Variants in RELT observed in about 807,000 individuals in gnomAD.
The protein encoded by RELT is tumor necrosis factor receptor superfamily member 19L.
RELT carries 37 observed loss-of-function variants against 51.1 expected under a neutral mutation model. The observed-to-expected ratio is 0.72, with a 90% confidence interval of 0.56 to 0.95. The LOEUF is 0.95. RELT is among the 40% of genes least tolerant of loss of function. The probability of loss-of-function intolerance (pLI) is 0.00; values close to 1 mark genes in which losing one functional copy is unlikely to be tolerated. For synonymous variants in RELT, 241 were observed against 235.7 expected, an observed-to-expected ratio of 1.02 and a Z score of -0.21; for missense variants, 535 against 572.6, an observed-to-expected ratio of 0.93 and a Z score of 0.67.
rs897985133 is a variant in RELT at position 73,389,240 on chromosome 11, C to T, written c.45+59C>T. On this transcript the variant is annotated intron_variant, in intron 2 of 10. Coordinates refer to ENST00000064780, the MANE Select transcript of RELT (RefSeq NM_152222.2). ...GCCGCACCCTCAGCCCTGCAGCCCT[C>T]CAGCAAGAGGGTGCAGACACTCCCG... 2.0e-5 allele frequency: 25 copies of T among 1,245,132 alleles called. No individual in the cohort carries two copies. In the African/African-American group the frequency reaches 3.3e-4, roughly 16 times the overall value. The allele number at this position is 1,245,132 out of a possible 1,614,324, so 77.1% of individuals were successfully genotyped here.
chr11:73,391,460 TG>T (rs1866214091), intron 5 of RELT, among the ~76,000 whole-genome samples: 1 of 152,140 alleles, frequency 6.6e-6, no homozygotes, highest in Non-Finnish European at 1.5e-5. Context: ...CAGCCACAGC[TG>T]GGGGCTGGGG....
intron 2 of RELT, 54 bp from the exon 3 acceptor site, chr11:73,390,497 A>C: frequency 8.5e-6 from 13 of 1,521,666 alleles, no homozygotes; most frequent in Non-Finnish European, 1.2e-5. Flanking sequence ...AGATGACCCC[A>C]GAGACCCCAC....
At chr11:73,383,725 A>G (rs1302427964) in intron 1 of RELT, among the ~76,000 whole-genome samples, 3 of 152,208 alleles carry the variant, frequency 2.0e-5, no homozygotes, top group African/African-American at 7.2e-5. Context: ...CAGTTTGCCC[A>G]GCTGTGAAAC....
At position 73,395,703 on chromosome 11, in the gene RELT, C is replaced by T. The variant is rs997702550; in HGVS notation, c.*212C>T. On this transcript the variant is annotated 3_prime_UTR_variant, in exon 11 of 11. Transcript: ENST00000064780. ...CTGTGTACAGGAGCAGGCTGAGCCCCGCCCCTGGCCCTGCTGCCATGTTGC... is the reference window on the plus strand; with the variant it reads ...CTGTGTACAGGAGCAGGCTGAGCCCTGCCCCTGGCCCTGCTGCCATGTTGC... 3.6e-5 allele frequency: 21 copies of T among 586,278 alleles called. No homozygotes were observed. Among genetic ancestry groups the T allele is most frequent in the South Asian group, 1.4e-4 (7 of 48,658 alleles). 36.3% of individuals were successfully genotyped at this position (586,278 alleles called of 1,614,324 possible).
At position 73,394,380 on chromosome 11, in the gene RELT, A is replaced by G. The variant is rs1327755579; in HGVS notation, c.788+63A>G. 1.4e-5 allele frequency: 22 copies of G among 1,609,506 alleles called. No homozygotes were observed. Among genetic ancestry groups the G allele is most frequent in the Non-Finnish European group, 1.7e-5 (20 of 1,176,834 alleles). ...ACATTAACCAGCCTGCCTCCTGGGG[A>G]TCTCCCACTTGGGTCTCCCTCAAGT... On this transcript the variant is annotated intron_variant, in intron 8 of 10. Transcript: ENST00000064780. This position sits in a 1 kb window ranked among gnomAD's most constrained non-coding sequence, Gnocchi z 4.9.
At chr11:73,380,809 G>T (rs1475003280) in intron 1 of RELT, among the ~76,000 whole-genome samples, 1 of 152,218 alleles carries the variant, frequency 6.6e-6, no homozygotes, top group African/African-American at 2.4e-5. Flanking sequence ...AGCAGGGTGT[G>T]TTTGGCGCCA....
rs1252802902 is a variant in RELT, at chr11:73,376,413, C to G, written c.-112C>G. 3.3e-5 allele frequency: 5 copies of G among 151,928 alleles called. No homozygotes were observed. Among genetic ancestry groups the G allele is most frequent in the South Asian group, 2.1e-4 (1 of 4,838 alleles). 9.4% of individuals were successfully genotyped at this position (151,928 alleles called of 1,614,324 possible). The stretch of plus-strand genomic sequence containing the variant: ...GCGATTCATTCAAAAGGCGCGCAGG[C>G]TGCGCGGCTGTCCGGGCGCTCGCCG... On this transcript the variant is annotated 5_prime_UTR_variant, in exon 1 of 11. Coordinates refer to ENST00000064780, the MANE Select transcript of RELT (RefSeq NM_152222.2).
chr11:73,393,579 T>A (rs1163879880), intron 6 of RELT: 4 of 1,444,952 alleles, frequency 2.8e-6, no homozygotes, highest in Middle Eastern at 2.2e-4. Flanking sequence ...ATTCAATGAC[T>A]GGAGTTCACG....
chr11:73,384,031 C>T (rs1288075585), intron 1 of RELT, among the ~76,000 whole-genome samples: 1 of 152,130 alleles, frequency 6.6e-6, no homozygotes, highest in African/African-American at 2.4e-5. Flanking sequence ...AGAGGGAGGT[C>T]CACAGGCTCA....
At position 73,388,680 on chromosome 11, in the gene RELT, G is replaced by C. The variant is rs1866161127; in HGVS notation, c.-25-432G>C. ...CTTGCAGACCTGTGAGGAGGAGGCG[G>C]GGGGAGCCTGAGCCTGGAGCGCTGG... On this transcript the variant is annotated intron_variant, in intron 1 of 10. Transcript: ENST00000064780. The surrounding 1 kb of genome is among the most constrained non-coding windows in gnomAD (Gnocchi z 4.1). Among the ~76,000 whole-genome samples the C allele has an allele frequency of 6.6e-6, 1 of 152,250 alleles. No individual in the cohort carries two copies. Among genetic ancestry groups the C allele is most frequent in the African/African-American group, 2.4e-5 (1 of 41,470 alleles).
At position 73,395,102 on chromosome 11, in the gene RELT, A is replaced by C. The variant is rs1565224849; in HGVS notation, c.1062A>C (p.Arg354=). 1 of 1,613,446 alleles carries C rather than the reference A, an allele frequency of 6.2e-7. No individual in the cohort carries two copies. Among genetic ancestry groups the C allele is most frequent in the East Asian group, 2.2e-5 (1 of 44,872 alleles). ...CTCCTCACAGGTTCCGCGTGGCTCG[A>C]ATTCCTGAGCAGCGGACAAGTTCAA... ...ILSVGRFRVA[R]IPEQRTSSMV... is the part of the protein sequence containing the mutation. Residue 354 remains arginine (R), a synonymous_variant, in exon 10 of 11, where the codon CGA becomes CGC. Transcript: ENST00000064780.
chr11:73,387,730 G>A (rs972583399), intron 1 of RELT, among the ~76,000 whole-genome samples: 5 of 152,174 alleles, frequency 3.3e-5, no homozygotes, highest in East Asian at 1.9e-4. Flanking sequence ...TGGACAGATC[G>A]GTTTCCTGGG....
At position 73,376,434 on chromosome 11, in the gene RELT, C is replaced by T. The variant is rs1175070224; in HGVS notation, c.-91C>T. 5 of 151,932 alleles carry T rather than the reference C, an allele frequency of 3.3e-5. No homozygotes were observed. Among genetic ancestry groups the T allele is most frequent in the African/African-American group, 7.2e-5 (3 of 41,400 alleles). 9.4% of individuals were successfully genotyped at this position (151,932 alleles called of 1,614,324 possible). ...CAGGCTGCGCGGCTGTCCGGGCGCT[C>T]GCCGAGCCGGGCCGCGGCGCCGAGT... is the stretch of plus-strand genomic sequence containing the variant. On this transcript the variant is annotated 5_prime_UTR_variant, in exon 1 of 11. Transcript: ENST00000064780.
chr11:73,388,097 C>A lies in RELT; in HGVS notation c.-25-1015C>A, dbSNP rs577053733. On this transcript the variant is annotated intron_variant, in intron 1 of 10. Coordinates refer to ENST00000064780, the MANE Select transcript of RELT (RefSeq NM_152222.2). This position sits in a 1 kb window ranked among gnomAD's most constrained non-coding sequence, Gnocchi z 4.1. ...CGGAGGCTTCTCCAGAGCAGGCCAC[C>A]GTCTGGGCCTGGGGGCCTCAGTCTC... Among the ~76,000 whole-genome samples, 2 of 152,324 alleles carry A rather than the reference C, an allele frequency of 1.3e-5. No individual in the cohort carries two copies. Among genetic ancestry groups the A allele is most frequent in the East Asian group, 3.9e-4 (2 of 5,180 alleles).
At chr11:73,378,949 G>A (rs1337249546) in intron 1 of RELT, among the ~76,000 whole-genome samples, 3 of 152,316 alleles carry the variant, frequency 2.0e-5, no homozygotes, top group East Asian at 3.9e-4. Flanking sequence ...TTGCTCTAGA[G>A]GCATTTCCCC....
intron 6 of RELT, 33 bp downstream of exon 6, chr11:73,392,501 CGGG>C: frequency 1.3e-6 from 2 of 1,596,826 alleles, no homozygotes; most frequent in Non-Finnish European, 1.7e-6. Flanking sequence ...GTGGGAAGGA[CGGG>C]GGCACGAGCC....
At position 73,395,209 on chromosome 11, in the gene RELT, CT is replaced by C. The variant is rs762832207; in HGVS notation, c.1170del (p.Glu391SerfsTer6). ...GACTCCCCACAGCCTGGCCTCCCCC[CT>C]GAGCAGCAGGCCCTGCTAGGAAGTG... The part of the protein sequence containing the change: ...LPDSPQPGLP[P>X]EQQALLGSGG... On this transcript the variant is annotated frameshift_variant, in exon 10 of 11. Coordinates refer to ENST00000064780, the MANE Select transcript of RELT (RefSeq NM_152222.2). LOFTEE classifies it high-confidence loss of function. The C allele has an allele frequency of 2.5e-6, 4 of 1,613,224 alleles. No individual in the cohort carries two copies. Among genetic ancestry groups the C allele is most frequent in the Admixed American group, 1.7e-5 (1 of 60,028 alleles).
In RELT at chr11:73,388,775, C is replaced by A. The variant is rs1590734233; in HGVS notation, c.-25-337C>A. On this transcript the variant is annotated intron_variant, in intron 1 of 10. Transcript: ENST00000064780. The surrounding 1 kb of genome is among the most constrained non-coding windows in gnomAD (Gnocchi z 4.1). Reference sequence around the variant, plus strand: ...ACCCTGTCATCACGGACACAGGCCGCCACACGCGCTTCCTTCCCCTGCTGA... The same window carrying A: ...ACCCTGTCATCACGGACACAGGCCGACACACGCGCTTCCTTCCCCTGCTGA... Among the ~76,000 whole-genome samples the A allele has an allele frequency of 6.6e-6, 1 of 152,186 alleles. No homozygotes were observed. Among genetic ancestry groups the A allele is most frequent in the African/African-American group, 2.4e-5 (1 of 41,432 alleles).
intron 1 of RELT, among the ~76,000 whole-genome samples, chr11:73,383,750 C>T (rs1165755422): frequency 6.6e-6 from 1 of 152,246 alleles, no homozygotes; most frequent in Non-Finnish European, 1.5e-5. Flanking sequence ...ATGCTCACTT[C>T]TCCTGCAAGG....
Sources: gnomAD v4.1 joint callset for allele counts (sites outside exome capture counted in the v4.1 genomes callset) on GRCh38, gnomAD v4.1.1 for gene constraint, Gnocchi (gnomAD v3.1) non-coding constraint, MANE v1.5 for transcripts, NCBI Gene and HGNC (gene_info 2026-07-23, HGNC 2026-07-21) for gene names.